Variants in COL26A1 observed in about 807,000 individuals in gnomAD.
The protein encoded by COL26A1 is collagen alpha-1(XXVI) chain.
A neutral mutation model predicts 59.3 loss-of-function variants in COL26A1; 41 were observed. The ratio of observed to expected loss-of-function variants is 0.69; its 90% CI spans 0.54 to 0.90. The LOEUF is 0.90. Among genes scored for constraint, COL26A1 ranks in the 40% least tolerant of loss-of-function variants. The pLI is 0.00. For missense variants in COL26A1, 612 were observed against 602.3 expected (o/e 1.02, Z -0.17); for synonymous variants, 266 against 256.0 (o/e 1.04, Z -0.37).
intron 10 of COL26A1, among the ~76,000 whole-genome samples, chr7:101,552,487 C>T (rs574733942): frequency 2.0e-5 from 3 of 152,240 alleles, no homozygotes; most frequent in Middle Eastern, 3.4e-3. Context: ...TGTGGTGGTG[C>T]GTGCCCATAG....
intron 3 of COL26A1, among the ~76,000 whole-genome samples, chr7:101,487,335 G>A (rs1231237997): frequency 2.0e-5 from 3 of 152,112 alleles, no homozygotes; most frequent in Non-Finnish European, 4.4e-5. Context: ...CATGGCCCTG[G>A]AGAGTCACTG....
chr7:101,399,340 G>GCTTT (rs112043308), intron 1 of COL26A1, among the ~76,000 whole-genome samples: 97,693 of 151,298 alleles, frequency 0.65, 31,673 homozygotes, highest in Middle Eastern at 0.71. Flanking sequence ...TTTCTAATGA[G>GCTTT]CTTTCTTTCC....
intron 3 of COL26A1, among the ~76,000 whole-genome samples, chr7:101,532,322 G>A (rs946724966): frequency 9.2e-5 from 14 of 151,828 alleles, no homozygotes; most frequent in African/African-American, 3.1e-4. Context: ...AATTTCACCC[G>A]CCTAAGACCC....
intron 2 of COL26A1, among the ~76,000 whole-genome samples, chr7:101,442,836 T>G (rs1031771963): frequency 6.6e-6 from 1 of 152,020 alleles, no homozygotes; most frequent in African/African-American, 2.4e-5. Flanking sequence ...GCTGAGCACG[T>G]GTTTGTGTGA....
At chr7:101,412,775 A>G (rs1358307744) in intron 1 of COL26A1, among the ~76,000 whole-genome samples, 2 of 152,020 alleles carry the variant, frequency 1.3e-5, no homozygotes, top group African/African-American at 4.8e-5. Flanking sequence ...GCTGCTGTGC[A>G]CTGCCACTTC....
chr7:101,530,705 G>C (rs1277906316), intron 3 of COL26A1, among the ~76,000 whole-genome samples: 1 of 151,884 alleles, frequency 6.6e-6, no homozygotes, highest in Non-Finnish European at 1.5e-5. Context: ...TGTCAGCGTC[G>C]GTGGGTCTTT....
chr7:101,526,026 C>T (rs906205496), intron 3 of COL26A1, among the ~76,000 whole-genome samples: 1 of 151,936 alleles, frequency 6.6e-6, no homozygotes, highest in African/African-American at 2.4e-5. Flanking sequence ...AGCAGAACTG[C>T]GTTTTCTTTT....
At chr7:101,470,805 T>G (rs1053717139) in intron 3 of COL26A1, among the ~76,000 whole-genome samples, 5 of 152,088 alleles carry the variant, frequency 3.3e-5, no homozygotes, top group Non-Finnish European at 7.4e-5. Context: ...CTCATCTTTC[T>G]TCTCTTCCTG....
chr7:101,533,177 C>T (rs1267061812), intron 4 of COL26A1, 34 bp downstream of exon 4: 13 of 1,534,546 alleles, frequency 8.5e-6, no homozygotes, highest in Non-Finnish European at 1.2e-5. Context: ...GCCTGGGGAG[C>T]TGCCTGGGGA....
At chr7:101,455,202 C>G (rs904895449) in intron 3 of COL26A1, among the ~76,000 whole-genome samples, 2 of 151,830 alleles carry the variant, frequency 1.3e-5, no homozygotes, top group Admixed American at 6.6e-5. Flanking sequence ...ACCACCACAC[C>G]TGGCTAATTT....
At chr7:101,506,239 C>T (rs1409624823) in intron 3 of COL26A1, among the ~76,000 whole-genome samples, 2 of 152,226 alleles carry the variant, frequency 1.3e-5, no homozygotes, top group African/African-American at 2.4e-5. Flanking sequence ...GGCCAGGAGG[C>T]CCCCTGGAAT....
chr7:101,548,827 C>T lies in COL26A1; in HGVS notation c.941-344C>T, dbSNP rs978265059. Among the ~76,000 whole-genome samples, 6 of 152,012 alleles carry T rather than the reference C, an allele frequency of 3.9e-5. No homozygotes were observed. In the East Asian group the frequency reaches 7.8e-4, roughly 20 times the overall value. ...GAGGGATGGGTCCCAGGTCCCGAGG[C>T]GGGAAAGACCGGAGAGACGTACCAG... is the stretch of plus-strand genomic sequence containing the variant. On this transcript the variant is annotated intron_variant, in intron 8 of 12. Coordinates refer to ENST00000313669, the MANE Select transcript of COL26A1 (RefSeq NM_001278563.3).
At chr7:101,386,910 G>T (rs1479771634) in intron 1 of COL26A1, among the ~76,000 whole-genome samples, 1 of 152,198 alleles carries the variant, frequency 6.6e-6, no homozygotes, top group Non-Finnish European at 1.5e-5. Context: ...CTAGGTCCGG[G>T]ACAGCTGCTT....
At chr7:101,512,964 T>C (rs150418659) in intron 3 of COL26A1, among the ~76,000 whole-genome samples, 179 of 152,040 alleles carry the variant, frequency 1.2e-3, no homozygotes, top group African/African-American at 4.2e-3. Flanking sequence ...ATTGCACTAG[T>C]GTGAGACATT....
At chr7:101,379,481 C>T (rs1220161769) in intron 1 of COL26A1, among the ~76,000 whole-genome samples, 1 of 152,140 alleles carries the variant, frequency 6.6e-6, no homozygotes, top group Non-Finnish European at 1.5e-5. Flanking sequence ...CCCTCCAGAT[C>T]CTTCCTGCCT....
At chr7:101,427,751 C>T (rs2130305239) in intron 2 of COL26A1, among the ~76,000 whole-genome samples, 1 of 152,176 alleles carries the variant, frequency 6.6e-6, no homozygotes, top group Non-Finnish European at 1.5e-5. Flanking sequence ...AGTGATCCAC[C>T]TGGGCTTCCC....
In COL26A1 at chr7:101,516,933, C is replaced by T. The variant is rs114716265; in HGVS notation, c.386-16149C>T. 4.4e-3 allele frequency among the ~76,000 whole-genome samples: 671 copies of T among 152,156 alleles called. 5 individuals carry two copies. The highest frequency in any genetic ancestry group is 0.015 in the African/African-American group (637 of 41,492). On this transcript the variant is annotated intron_variant, in intron 3 of 12. Transcript: ENST00000313669. ...TGGGTGATTTCCCAGGCTGGAAAATCCAGGCAAGTGGAAGAAAAAATTCAT... is the reference window on the plus strand; with the variant it reads ...TGGGTGATTTCCCAGGCTGGAAAATTCAGGCAAGTGGAAGAAAAAATTCAT...
chr7:101,386,410 C>T (rs540811368), intron 1 of COL26A1, among the ~76,000 whole-genome samples: 2 of 152,072 alleles, frequency 1.3e-5, no homozygotes, highest in South Asian at 4.1e-4. Context: ...GTGTGCACCA[C>T]CTAGCTAATT....
intron 3 of COL26A1, among the ~76,000 whole-genome samples, chr7:101,505,260 A>T (rs549975293): frequency 4.6e-5 from 7 of 151,802 alleles, no homozygotes; most frequent in African/African-American, 1.7e-4. Flanking sequence ...TGTGTGCATG[A>T]CTGTGAGTGT....
Sources: gnomAD v4.1 joint callset for allele counts (sites outside exome capture counted in the v4.1 genomes callset) on GRCh38, gnomAD v4.1.1 for gene constraint, MANE v1.5 for transcripts, NCBI Gene and HGNC (gene_info 2026-07-23, HGNC 2026-07-21) for gene names.